MBOAT2: variants seen among roughly 807,000 people sequenced by gnomAD.
The protein encoded by MBOAT2 is membrane bound glycerophospholipid O-acyltransferase 2.
Under a neutral mutation model 63.4 loss-of-function variants are expected in MBOAT2, and 28 were observed. The observed-to-expected ratio is 0.44, with a 90% CI of 0.33 to 0.61. The LOEUF is 0.61. Among genes scored for constraint, MBOAT2 ranks in the 20% least tolerant of loss-of-function variants. The pLI, the probability that MBOAT2 is intolerant of heterozygous loss-of-function variation, is 0.03. For missense variants in MBOAT2, 470 were observed against 605.8 expected, an observed-to-expected ratio of 0.78 and a Z score of 2.35; for synonymous variants, 211 against 215.6, an observed-to-expected ratio of 0.98 and a Z score of 0.19.
At chr2:8,878,475 A>G (rs949226208) in intron 6 of MBOAT2, among the ~76,000 whole-genome samples, 4 of 152,142 alleles carry the variant, frequency 2.6e-5, no homozygotes, top group African/African-American at 4.8e-5. Flanking sequence ...TAAAAAATAC[A>G]AACACTCTTG....
Position 8,959,801 on chromosome 2 carries a change from G to A in MBOAT2, c.76-1159C>T, listed in dbSNP as rs1046305777. On this transcript the variant is annotated intron_variant, in intron 1 of 12. Coordinates refer to ENST00000305997, the MANE Select transcript of MBOAT2 (RefSeq NM_138799.4). ...CTCCCTTATGAAACATATTCTCATA[G>A]AATCTTAGGAATAATAGGCCTTAAA... 2.6e-5 allele frequency among the ~76,000 whole-genome samples: 4 copies of A among 152,044 alleles called. 1 individual carries two copies. Among genetic ancestry groups the A allele is most frequent in the Admixed American group, 1.3e-4 (2 of 15,268 alleles).
At chr2:8,914,934 CTTTTTTTT>C (rs938665533) in intron 3 of MBOAT2, among the ~76,000 whole-genome samples, 13 of 60,234 alleles carry the variant, frequency 2.2e-4, no homozygotes, top group African/African-American at 8.3e-4. Flanking sequence ...CTGGAAATTT[CTTTTTTTT>C]TTTTTTTTTT....
Position 8,862,704 on chromosome 2 carries a change from G to T in MBOAT2, c.1071C>A (p.Thr357=). 6.2e-7 allele frequency: 1 copy of T among 1,613,846 alleles called. No individual in the cohort carries two copies. The highest frequency in any genetic ancestry group is 2.2e-5 in the East Asian group (1 of 44,878). Residue 357 remains threonine, a synonymous_variant, in exon 11 of 13, where the codon ACC becomes ACA. Coordinates refer to ENST00000305997, the MANE Select transcript of MBOAT2 (RefSeq NM_138799.4). The surrounding 1 kb of genome is among the most constrained non-coding windows in gnomAD (Gnocchi z 4.3). ...ACGTCTGGATAGTTGGACTGAAGGA[G>T]GTTCGTTCATAACACACCCTAGAAA... ...LWLKRVCYER[T]SFSPTIQTFI... is the part of the protein sequence containing the mutation.
rs768977002 is a variant in MBOAT2 at position 8,907,887 on chromosome 2, AT to A, written c.395+733del. On this transcript the variant is annotated intron_variant, in intron 4 of 12. Transcript: ENST00000305997. ...TTTGGTCCATTTCTATTGCTGAACAATTTTTTTTTCAGAGGTAACATGATTT... is the reference window on the plus strand; with the variant it reads ...TTTGGTCCATTTCTATTGCTGAACAATTTTTTTTCAGAGGTAACATGATTT... Among the ~76,000 whole-genome samples the A allele has an allele frequency of 2.8e-4, 43 of 150,962 alleles. No homozygotes were observed. The Middle Eastern group carries it at 0.02, about 72-fold the overall frequency.
intron 1 of MBOAT2, among the ~76,000 whole-genome samples, chr2:8,971,116 A>C (rs1260879556): frequency 6.6e-6 from 1 of 152,248 alleles, no homozygotes; most frequent in Non-Finnish European, 1.5e-5. Flanking sequence ...AAAAATCCTC[A>C]GTAAAATACT....
chr2:8,915,572 A>C (rs138308104), intron 3 of MBOAT2, among the ~76,000 whole-genome samples: 79 of 152,282 alleles, frequency 5.2e-4, no homozygotes, highest in African/African-American at 1.6e-3. Context: ...GTACTCCTCC[A>C]AAAGCACATC....
Position 8,858,749 on chromosome 2 carries a change from A to C in MBOAT2, c.1493T>G (p.Phe498Cys), listed in dbSNP as rs756721748. 7 of 1,614,104 alleles carry C rather than the reference A, an allele frequency of 4.3e-6. No individual in the cohort carries two copies. Residue 498 changes from phenylalanine to cysteine, a missense_variant, in exon 13 of 13, where the codon TTT (phenylalanine) becomes TGT (cysteine). Phe to Cys is a radical substitution (Grantham distance 205). Around this residue, in one of 3 missense-constraint regions of MBOAT2, gnomAD observed 90 missense variants for 84.9 expected, o/e 1.06. Coordinates refer to ENST00000305997, the MANE Select transcript of MBOAT2 (RefSeq NM_138799.4). Reference sequence around the variant, plus strand: ...ATTGCAAACATTGTTTGTTGTAGAAAAACTGTTCTGTCCCAAAGAATTTTC... The same window carrying C: ...ATTGCAAACATTGTTTGTTGTAGAACAACTGTTCTGTCCCAAAGAATTTTC... Reference protein sequence around the residue: ...EGENSLGQNSFSTTNNVCNQN... With the variant: ...EGENSLGQNSCSTTNNVCNQN...
intron 1 of MBOAT2, among the ~76,000 whole-genome samples, chr2:9,000,951 C>T (rs577981599): frequency 2.0e-5 from 3 of 152,262 alleles, no homozygotes; most frequent in South Asian, 2.1e-4. Context: ...CTTATTCTAT[C>T]GGCTTTTTTC....
At chr2:8,891,364 C>CATAT (rs770788057) in intron 4 of MBOAT2, among the ~76,000 whole-genome samples, 1 of 152,176 alleles carries the variant, frequency 6.6e-6, no homozygotes, top group Non-Finnish European at 1.5e-5. Context: ...GCAAAACAGA[C>CATAT]ATATGAGTCC....
intron 2 of MBOAT2, among the ~76,000 whole-genome samples, chr2:8,951,548 T>C (rs981502239): frequency 1.5e-4 from 23 of 152,180 alleles, no homozygotes; most frequent in African/African-American, 5.5e-4. Flanking sequence ...GCTGTGAATC[T>C]ATCTGGTCAA....
At chr2:8,920,169 T>G (rs186054518) in intron 3 of MBOAT2, among the ~76,000 whole-genome samples, 1 of 152,312 alleles carries the variant, frequency 6.6e-6, no homozygotes, top group African/African-American at 2.4e-5. Context: ...TGAAGTTTTA[T>G]AGGTTTAGCT....
intron 3 of MBOAT2, among the ~76,000 whole-genome samples, chr2:8,928,987 A>C (rs1160211815): frequency 6.6e-6 from 1 of 152,216 alleles, no homozygotes; most frequent in African/African-American, 2.4e-5. Flanking sequence ...CAATTTAGAG[A>C]GACACCAAGA....
intron 3 of MBOAT2, 53 bp downstream of exon 3, chr2:8,943,134 C>T: frequency 2.1e-6 from 2 of 969,016 alleles, no homozygotes; most frequent in South Asian, 2.3e-5. Context: ...TATTTTGATG[C>T]AGTTCTATTC....
At chr2:8,889,688 AT>A (rs1341453567) in intron 4 of MBOAT2, among the ~76,000 whole-genome samples, 1 of 152,238 alleles carries the variant, frequency 6.6e-6, no homozygotes, top group East Asian at 1.9e-4. Flanking sequence ...GAGTTATAAA[AT>A]TCTCTTCAGT....
intron 8 of MBOAT2, among the ~76,000 whole-genome samples, 197 bp downstream of exon 8, chr2:8,872,911 T>G (rs1662434201): frequency 6.6e-6 from 1 of 152,242 alleles, no homozygotes; most frequent in Non-Finnish European, 1.5e-5. Flanking sequence ...TATTTTTATT[T>G]TGTATTATAA....
chr2:8,943,958 G>A (rs1314376878), intron 2 of MBOAT2, among the ~76,000 whole-genome samples: 1 of 152,060 alleles, frequency 6.6e-6, no homozygotes, highest in Non-Finnish European at 1.5e-5. Context: ...CTGCCTCCCA[G>A]GTTCAAGTGA....
intron 9 of MBOAT2, among the ~76,000 whole-genome samples, chr2:8,864,636 C>G (rs553898284): frequency 6.6e-6 from 1 of 152,048 alleles, no homozygotes; most frequent in African/African-American, 2.4e-5. Flanking sequence ...CAGACATCCA[C>G]CGCGACATCC....
intron 1 of MBOAT2, among the ~76,000 whole-genome samples, chr2:8,994,104 T>C (rs1672103484): frequency 6.6e-6 from 1 of 152,170 alleles, no homozygotes; most frequent in Admixed American, 6.5e-5. Flanking sequence ...AGTCTATGCT[T>C]TCATCACACC....
Position 8,858,129 on chromosome 2 carries a change from T to G in MBOAT2, c.*550A>C, listed in dbSNP as rs1330810807. 6.5e-6 allele frequency: 1 copy of G among 152,754 alleles called. No individual in the cohort carries two copies. Among genetic ancestry groups the G allele is most frequent in the Admixed American group, 6.5e-5 (1 of 15,292 alleles). 9.5% of individuals were successfully genotyped at this position (152,754 alleles called of 1,614,324 possible). A position where few individuals can be genotyped will look rare whatever the true frequency, so the allele number is the denominator to read the frequency against. On this transcript the variant is annotated 3_prime_UTR_variant, in exon 13 of 13. Transcript: ENST00000305997. ...TACTTTAAGAAAACCCTTCAAATAC[T>G]GAGATGTTTATTGCATTTTAAAAAT...
Sources: gnomAD v4.1 joint callset for allele counts (sites outside exome capture counted in the v4.1 genomes callset) on GRCh38, gnomAD v4.1.1 for gene constraint, gnomAD v4.1.1 regional missense constraint, Gnocchi (gnomAD v3.1) non-coding constraint, MANE v1.5 for transcripts, NCBI Gene and HGNC (gene_info 2026-07-23, HGNC 2026-07-21) for gene names.